SMARCA2: variants seen among roughly 807,000 people sequenced by gnomAD.
The protein encoded by SMARCA2 is SWI/SNF-related matrix-associated actin-dependent regulator of chromatin subfamily A member 2.
A neutral mutation model predicts 199.8 loss-of-function variants in SMARCA2; 61 were observed. The ratio of observed to expected loss-of-function variants is 0.31; its 90% CI spans 0.25 to 0.38. The LOEUF (loss-of-function observed/expected upper bound fraction) is 0.38. Ranked by LOEUF, SMARCA2 falls within the 10% of genes least tolerant of loss-of-function variation. SMARCA2 has a pLI of 1.00. For missense variants in SMARCA2, 1,344 were observed against 2,012.2 expected, an observed-to-expected ratio of 0.67 and a Z score of 6.35; for synonymous variants, 935 against 732.0, an observed-to-expected ratio of 1.28 and a Z score of -4.48.
chr9:2,036,691 G>A (rs1391297667), intron 3 of SMARCA2, among the ~76,000 whole-genome samples: 1 of 152,022 alleles, frequency 6.6e-6, no homozygotes, highest in East Asian at 1.9e-4. Flanking sequence ...AAATTTTGTT[G>A]TATTGACTAA....
chr9:2,078,741 G>A (rs1389081133), intron 14 of SMARCA2, among the ~76,000 whole-genome samples: 1 of 151,930 alleles, frequency 6.6e-6, no homozygotes, highest in African/African-American at 2.4e-5. Flanking sequence ...TCAGGAGATT[G>A]AGACCATCCT....
chr9:2,062,259 C>CAG (rs1326630743), intron 9 of SMARCA2, among the ~76,000 whole-genome samples: 2 of 152,022 alleles, frequency 1.3e-5, no homozygotes, highest in Non-Finnish European at 2.9e-5. Flanking sequence ...ATATTGATAG[C>CAG]AGAGAGAGAG....
intron 29 of SMARCA2, among the ~76,000 whole-genome samples, chr9:2,176,791 C>G (rs1166174820): frequency 1.3e-4 from 19 of 151,736 alleles, no homozygotes; most frequent in Admixed American, 1.2e-3. Context: ...TTCCTGAGCT[C>G]AAGTGATCAG....
At chr9:2,028,198 G>C (rs1818915214) in intron 1 of SMARCA2, among the ~76,000 whole-genome samples, 1 of 152,184 alleles carries the variant, frequency 6.6e-6, no homozygotes, top group East Asian at 1.9e-4. Context: ...CTGTCTGAGG[G>C]GGTCTCTGCT....
chr9:2,176,658 C>T (rs1338968929), intron 29 of SMARCA2, among the ~76,000 whole-genome samples: 1 of 151,752 alleles, frequency 6.6e-6, no homozygotes, highest in African/African-American at 2.4e-5. Flanking sequence ...CTCAAGCGAT[C>T]CTCCCACCTC....
intron 29 of SMARCA2, among the ~76,000 whole-genome samples, chr9:2,178,565 A>G (rs997809564): frequency 7.9e-5 from 12 of 152,156 alleles, no homozygotes; most frequent in African/African-American, 2.9e-4. Context: ...AAAAAGGAAA[A>G]AAGCAACTTT....
At chr9:2,149,870 GT>G (rs1824968635) in intron 27 of SMARCA2, among the ~76,000 whole-genome samples, 2 of 151,552 alleles carry the variant, frequency 1.3e-5, no homozygotes, top group Non-Finnish European at 3.0e-5. Flanking sequence ...ATTAAATAAA[GT>G]GGGATAGACA....
At chr9:2,143,902 TC>T (rs1824586399) in intron 27 of SMARCA2, among the ~76,000 whole-genome samples, 2 of 152,162 alleles carry the variant, frequency 1.3e-5, no homozygotes, top group Non-Finnish European at 2.9e-5. Flanking sequence ...CTTCCCCCTT[TC>T]CCCTCTGAAG....
chr9:2,076,291 C>T lies in SMARCA2; in HGVS notation c.1998C>T (p.Ser666=), dbSNP rs765966954. 6 of 1,611,788 alleles carry T rather than the reference C, an allele frequency of 3.7e-6. No individual in the cohort carries two copies. The highest frequency in any genetic ancestry group is 1.6e-4 in the Middle Eastern group (1 of 6,082). The change falls in exon 13 of 34, where the codon AGC becomes AGT. Residue 666 remains serine, a synonymous_variant. Coordinates refer to ENST00000349721, the MANE Select transcript of SMARCA2 (RefSeq NM_003070.5). ...TEEKILLDPN[S]EEVSEKDAKQ... ...AGAAAATACTCCTGGATCCAAATAG[C>T]GAAGAAGTTTCTGAGAAGGATGCTA...
chr9:2,117,048 G>A (rs1245288105), intron 25 of SMARCA2, among the ~76,000 whole-genome samples: 2 of 152,080 alleles, frequency 1.3e-5, no homozygotes, highest in African/African-American at 2.4e-5. Flanking sequence ...GTTACATCCC[G>A]ACAAACCCAT....
chr9:2,069,817 T>A (rs1821013340), intron 9 of SMARCA2, among the ~76,000 whole-genome samples: 1 of 152,212 alleles, frequency 6.6e-6, no homozygotes, highest in South Asian at 2.1e-4. Context: ...AGGGGATACA[T>A]GTGCAAGTTT....
chr9:2,018,288 A>G (rs1446089671), intron 1 of SMARCA2, among the ~76,000 whole-genome samples: 1 of 152,242 alleles, frequency 6.6e-6, no homozygotes, highest in African/African-American at 2.4e-5. Context: ...ACATGGGTGC[A>G]AAGCCTAGAC....
intron 1 of SMARCA2, among the ~76,000 whole-genome samples, chr9:2,024,675 G>A (rs915907393): frequency 6.6e-6 from 1 of 151,964 alleles, no homozygotes; most frequent in Non-Finnish European, 1.5e-5. Context: ...TTCTACCCCT[G>A]CACATTGCTC....
At chr9:2,020,689 A>G (rs1818562523) in intron 1 of SMARCA2, among the ~76,000 whole-genome samples, 1 of 152,176 alleles carries the variant, frequency 6.6e-6, no homozygotes, top group South Asian at 2.1e-4. Flanking sequence ...CTTTTCCTTG[A>G]AAGTGTAGGA....
intron 14 of SMARCA2, among the ~76,000 whole-genome samples, 190 bp downstream of exon 14, chr9:2,077,966 G>C (rs1821400154): frequency 6.6e-6 from 1 of 152,002 alleles, no homozygotes; most frequent in African/African-American, 2.4e-5. Flanking sequence ...ATCTTTACTA[G>C]GGCATGCCAT....
intron 19 of SMARCA2, 102 bp downstream of exon 19, chr9:2,088,715 T>C (rs1821916020): frequency 3.8e-6 from 3 of 793,640 alleles, no homozygotes; most frequent in Admixed American, 2.5e-5. Flanking sequence ...CAGACTCATA[T>C]TGTAGTTAAT....
At chr9:2,173,668 C>G (rs1349950170) in intron 29 of SMARCA2, among the ~76,000 whole-genome samples, 2 of 152,140 alleles carry the variant, frequency 1.3e-5, no homozygotes, top group Non-Finnish European at 2.9e-5. Flanking sequence ...CATGATGCTT[C>G]CCAGAGTGAG....
chr9:2,105,007 T>A lies in SMARCA2; in HGVS notation c.3292+838T>A, dbSNP rs543361564. Among the ~76,000 whole-genome samples, 5 of 152,316 alleles carry A rather than the reference T, an allele frequency of 3.3e-5. No individual in the cohort carries two copies. The South Asian group carries it at 1.0e-3, about 32-fold the overall frequency. Reference sequence around the variant, plus strand: ...CAGTATTTATCTAATGCAGTATTACTATTGTTAAATGGGAAACTTAAGGTT... The same window carrying A: ...CAGTATTTATCTAATGCAGTATTACAATTGTTAAATGGGAAACTTAAGGTT... On this transcript the variant is annotated intron_variant, in intron 23 of 33. Coordinates refer to ENST00000349721, the MANE Select transcript of SMARCA2 (RefSeq NM_003070.5).
intron 1 of SMARCA2, among the ~76,000 whole-genome samples, chr9:2,015,641 C>T (rs1818321693): frequency 6.6e-6 from 1 of 152,208 alleles, no homozygotes; most frequent in Non-Finnish European, 1.5e-5. Flanking sequence ...CTAACGACAG[C>T]TCCCAGGCGG....
Sources: gnomAD v4.1 joint callset for allele counts (sites outside exome capture counted in the v4.1 genomes callset) on GRCh38, gnomAD v4.1.1 for gene constraint, MANE v1.5 for transcripts, NCBI Gene and HGNC (gene_info 2026-07-23, HGNC 2026-07-21) for gene names.